PCDHGB7: variants seen among roughly 807,000 people sequenced by gnomAD.
PCDHGB7 encodes the protein protocadherin gamma-B7.
PCDHGB7 carries 37 observed loss-of-function variants against 61.4 expected under a neutral mutation model. That is an observed-to-expected ratio of 0.60 (90% CI 0.46 to 0.79). PCDHGB7 has a LOEUF of 0.79. Among genes scored for constraint, PCDHGB7 ranks in the 30% least tolerant of loss-of-function variants. PCDHGB7 has a pLI of 0.00. For missense variants in PCDHGB7, 1,166 were observed against 1,202.5 expected, an observed-to-expected ratio of 0.97 and a Z score of 0.45; for synonymous variants, 464 against 503.5, an observed-to-expected ratio of 0.92 and a Z score of 1.05.
intron 1 of PCDHGB7, among the ~76,000 whole-genome samples, chr5:141,449,240 G>A (rs535847654): frequency 6.6e-6 from 1 of 152,186 alleles, no homozygotes; most frequent in Non-Finnish European, 1.5e-5. Context: ...ATTTTCAAAG[G>A]AGTTGCAAGA....
Position 141,433,407 on chromosome 5 carries a change from T to C in PCDHGB7, c.2415+13133T>C, listed in dbSNP as rs939103465. Among the ~76,000 whole-genome samples, 537 of 125,956 alleles carry C rather than the reference T, an allele frequency of 4.3e-3. 4 individuals carry two copies. Among genetic ancestry groups the C allele is most frequent in the African/African-American group, 0.016 (523 of 33,156 alleles). The allele number at this position is 125,956 out of a possible 152,430, so 82.6% of individuals were successfully genotyped here. On this transcript the variant is annotated intron_variant, in intron 1 of 3. Coordinates refer to ENST00000398594, the MANE Select transcript of PCDHGB7 (RefSeq NM_018927.4). ...TCTATCTATCTATCTATCTATCTATTACTTTCTTGTACAGACAGGAGTCTC... is the reference window on the plus strand; with the variant it reads ...TCTATCTATCTATCTATCTATCTATCACTTTCTTGTACAGACAGGAGTCTC...
chr5:141,483,501 G>A (rs1022338958), intron 1 of PCDHGB7, among the ~76,000 whole-genome samples: 2 of 150,394 alleles, frequency 1.3e-5, no homozygotes, highest in Admixed American at 1.3e-4. Context: ...ATGAGTCAAG[G>A]CTGATCCCCC....
chr5:141,481,066 A>G (rs1366968394), intron 1 of PCDHGB7, among the ~76,000 whole-genome samples: 1 of 152,156 alleles, frequency 6.6e-6, no homozygotes, highest in Non-Finnish European at 1.5e-5. Flanking sequence ...TCAAAAACAA[A>G]AAGAAAGAAA....
rs1594492695 is a variant in PCDHGB7 at position 141,485,536 on chromosome 5, A to G, written c.2416-9271A>G. On this transcript the variant is annotated intron_variant, in intron 1 of 3. Transcript: ENST00000398594. The surrounding 1 kb of genome is among the most constrained non-coding windows in gnomAD (Gnocchi z 5.7). ...CTTTGGAAATGTACCGAGCAGAGGTAGAGATCGTAGATGTGAATGATCACG... is the reference window on the plus strand; with the variant it reads ...CTTTGGAAATGTACCGAGCAGAGGTGGAGATCGTAGATGTGAATGATCACG... 3 of 1,613,976 alleles carry G rather than the reference A, an allele frequency of 1.9e-6. No homozygotes were observed. The highest frequency in any genetic ancestry group is 2.5e-6 in the Non-Finnish European group (3 of 1,179,946).
At chr5:141,437,832 G>A (rs929534984) in intron 1 of PCDHGB7, among the ~76,000 whole-genome samples, 2 of 151,794 alleles carry the variant, frequency 1.3e-5, no homozygotes, top group Admixed American at 1.3e-4. Context: ...CTGCCTCCTG[G>A]GTTCATGCTA....
chr5:141,453,302 T>C (rs189741118), intron 1 of PCDHGB7, among the ~76,000 whole-genome samples: 18 of 152,008 alleles, frequency 1.2e-4, no homozygotes, highest in Middle Eastern at 6.8e-3. Flanking sequence ...TTTATTTATT[T>C]ATTTATTTAT....
chr5:141,467,284 C>T (rs2099140788), intron 1 of PCDHGB7, among the ~76,000 whole-genome samples: 1 of 152,080 alleles, frequency 6.6e-6, no homozygotes, highest in Non-Finnish European at 1.5e-5. Context: ...AACTCTTGAC[C>T]TCAAGTGATC....
In PCDHGB7 at chr5:141,419,325, AC is replaced by A. The variant is rs768622826; in HGVS notation, c.1467del (p.Ser490LeufsTer18). 6.2e-7 allele frequency: 1 copy of A among 1,613,702 alleles called. No individual in the cohort carries two copies. The highest frequency in any genetic ancestry group is 8.5e-7 in the Non-Finnish European group (1 of 1,179,840). ...PDFGLNGRVS[Y>X]SLIASDLESR... ...TTCGGGCTCAACGGCCGTGTCTCCTACTCTCTCATTGCCAGCGACCTGGAGT... is the reference window on the plus strand; with the variant it reads ...TTCGGGCTCAACGGCCGTGTCTCCTATCTCTCATTGCCAGCGACCTGGAGT... On this transcript the variant is annotated frameshift_variant, in exon 1 of 4. Coordinates refer to ENST00000398594, the MANE Select transcript of PCDHGB7 (RefSeq NM_018927.4). LOFTEE classifies it high-confidence loss of function.
Position 141,419,943 on chromosome 5 carries a change from C to G in PCDHGB7, c.2084C>G (p.Ala695Gly), listed in dbSNP as rs2096450865. Residue 695 changes from alanine to glycine, a missense_variant, in exon 1 of 4, where the codon GCC becomes GGC. Ala to Gly is a moderately conservative substitution (Grantham distance 60). Coordinates refer to ENST00000398594, the MANE Select transcript of PCDHGB7 (RefSeq NM_018927.4). ...QAEMQFYLVV[A>G]LALISVLFLL... ...GAGATGCAGTTTTACCTGGTGGTGG[C>G]CTTGGCCTTGATTTCTGTGCTCTTT... 2.5e-6 allele frequency: 4 copies of G among 1,614,070 alleles called. No homozygotes were observed. Among genetic ancestry groups the G allele is most frequent in the Non-Finnish European group, 3.4e-6 (4 of 1,179,892 alleles).
chr5:141,456,678 T>C (rs2098875796), intron 1 of PCDHGB7, among the ~76,000 whole-genome samples: 1 of 152,152 alleles, frequency 6.6e-6, no homozygotes, highest in South Asian at 2.1e-4. Flanking sequence ...TAAAAATGCA[T>C]TACTGGCCAG....
chr5:141,485,964 T>A lies in PCDHGB7; in HGVS notation c.2416-8843T>A. 1 of 1,614,162 alleles carries A rather than the reference T, an allele frequency of 6.2e-7. No homozygotes were observed. The highest frequency in any genetic ancestry group is 8.5e-7 in the Non-Finnish European group (1 of 1,180,000). On this transcript the variant is annotated intron_variant, in intron 1 of 3. Transcript: ENST00000398594. The surrounding 1 kb of genome is among the most constrained non-coding windows in gnomAD (Gnocchi z 5.7). ...CCAGCGGGCATGGTGCTCATCCAGC[T>A]CAATGCCTCAGACCCGGACCTGGGT...
chr5:141,430,560 G>T (rs1184226832), intron 1 of PCDHGB7: 1 of 420,160 alleles, frequency 2.4e-6, no homozygotes, highest in Non-Finnish European at 4.1e-6. Context: ...ACCAATCGGG[G>T]AGAGAAAAGC....
intron 1 of PCDHGB7, chr5:141,422,646 C>T (rs748692494): frequency 5.0e-6 from 8 of 1,611,836 alleles, no homozygotes; most frequent in Non-Finnish European, 6.8e-6. Flanking sequence ...CCTCCATCTT[C>T]TCAGTGACCG....
chr5:141,505,434 A>C lies in PCDHGB7; in HGVS notation c.2516A>C (p.Gln839Pro), dbSNP rs1417754900. 1 of 1,614,198 alleles carries C rather than the reference A, an allele frequency of 6.2e-7. No homozygotes were observed. The highest frequency in any genetic ancestry group is 1.7e-5 in the Admixed American group (1 of 60,032). The change falls in exon 3 of 4, where the codon CAG (glutamine) becomes CCG (proline). Residue 839 changes from glutamine (Q) to proline (P), a missense_variant. Gln to Pro is a moderately conservative substitution (Grantham distance 76). Coordinates refer to ENST00000398594, the MANE Select transcript of PCDHGB7 (RefSeq NM_018927.4). ...GACACCGGCACCTGGCCCAACAACCAGTTTGACACAGAGATGCTGCAAGCC... is the reference window on the plus strand; with the variant it reads ...GACACCGGCACCTGGCCCAACAACCCGTTTGACACAGAGATGCTGCAAGCC... ...GDDTGTWPNN[Q>P]FDTEMLQAMI...
Position 141,486,276 on chromosome 5 carries a change from T to C in PCDHGB7, c.2416-8531T>C. The C allele has an allele frequency of 1.2e-6, 2 of 1,613,980 alleles. No homozygotes were observed. The highest frequency in any genetic ancestry group is 1.7e-6 in the Non-Finnish European group (2 of 1,179,974). On this transcript the variant is annotated intron_variant, in intron 1 of 3. Coordinates refer to ENST00000398594, the MANE Select transcript of PCDHGB7 (RefSeq NM_018927.4). The surrounding 1 kb of genome is among the most constrained non-coding windows in gnomAD (Gnocchi z 5.0). ...CCCGAGAGTGCAGAACCTGGCACTG[T>C]GGTGGCACTTATCAGTGTGCAGGAT...
chr5:141,497,495 T>C (rs193075970), intron 2 of PCDHGB7, among the ~76,000 whole-genome samples: 28 of 151,186 alleles, frequency 1.9e-4, no homozygotes, highest in Admixed American at 1.7e-3. Context: ...TCTCTCTCTC[T>C]CCTCTCTCTG....
chr5:141,442,751 T>G (rs756672976), intron 1 of PCDHGB7, among the ~76,000 whole-genome samples: 1 of 152,196 alleles, frequency 6.6e-6, no homozygotes, highest in Non-Finnish European at 1.5e-5. Context: ...CATGTTTTGA[T>G]TATATATATT....
Position 141,477,099 on chromosome 5 carries a change from G to C in PCDHGB7, c.2416-17708G>C. On this transcript the variant is annotated intron_variant, in intron 1 of 3. Transcript: ENST00000398594. This position sits in a 1 kb window ranked among gnomAD's most constrained non-coding sequence, Gnocchi z 4.9. ...ATTTACATCCAGGCCAAAGACAAGG[G>C]CGCCAATCCCGAAGGAGCACATTGC... 6.2e-7 allele frequency: 1 copy of C among 1,614,256 alleles called. No individual in the cohort carries two copies. Among genetic ancestry groups the C allele is most frequent in the Non-Finnish European group, 8.5e-7 (1 of 1,180,054 alleles).
intron 1 of PCDHGB7, chr5:141,427,752 G>A (rs1171502843): frequency 4.5e-6 from 6 of 1,319,552 alleles, no homozygotes; most frequent in South Asian, 1.2e-5. Context: ...CTACTCCATC[G>A]TTACCACTGA....
Sources: gnomAD v4.1 joint callset for allele counts (sites outside exome capture counted in the v4.1 genomes callset) on GRCh38, gnomAD v4.1.1 for gene constraint, Gnocchi (gnomAD v3.1) non-coding constraint, MANE v1.5 for transcripts, NCBI Gene and HGNC (gene_info 2026-07-23, HGNC 2026-07-21) for gene names.